Variants in ESRRG observed in about 807,000 individuals in gnomAD.
The protein encoded by ESRRG is estrogen-related receptor gamma.
ESRRG carries 13 observed loss-of-function variants against 44.0 expected under a neutral mutation model. That is an observed-to-expected ratio of 0.30 (90% CI 0.19 to 0.47). ESRRG has a LOEUF of 0.47. ESRRG is among the 20% of genes least tolerant of loss of function. ESRRG has a pLI of 1.00. For missense variants in ESRRG, 395 were observed against 580.6 expected (o/e 0.68, Z 3.29); for synonymous variants, 215 against 214.6 (o/e 1.00, Z -0.02).
At chr1:216,778,659 A>C (rs1203135433) in intron 2 of ESRRG, among the ~76,000 whole-genome samples, 3 of 151,986 alleles carry the variant, frequency 2.0e-5, no homozygotes, top group Non-Finnish European at 4.4e-5. Flanking sequence ...ATAGACACGC[A>C]GGAGGAGCCA....
At chr1:216,976,679 T>A (rs1203105439) in intron 1 of ESRRG, among the ~76,000 whole-genome samples, 1 of 152,164 alleles carries the variant, frequency 6.6e-6, no homozygotes, top group Non-Finnish European at 1.5e-5. Context: ...GCAATTTTTA[T>A]TTGTAGGAAC....
At chr1:216,846,018 C>A (rs1305335464) in intron 2 of ESRRG, among the ~76,000 whole-genome samples, 1 of 152,092 alleles carries the variant, frequency 6.6e-6, no homozygotes, top group African/African-American at 2.4e-5. Flanking sequence ...AACCACTTAA[C>A]CGTATTCATT....
chr1:216,903,322 G>A (rs546907703), intron 2 of ESRRG, among the ~76,000 whole-genome samples: 3 of 152,076 alleles, frequency 2.0e-5, no homozygotes, highest in East Asian at 3.9e-4. Flanking sequence ...TTGTAGCACC[G>A]GGCCAAGATC....
At chr1:216,523,497 T>G (rs1248241861) in intron 5 of ESRRG, among the ~76,000 whole-genome samples, 5 of 119,470 alleles carry the variant, frequency 4.2e-5, no homozygotes, top group Non-Finnish European at 3.4e-5. Flanking sequence ...ACTGTTTTTT[T>G]TTTTGTTTTT....
intron 3 of ESRRG, among the ~76,000 whole-genome samples, chr1:216,598,732 A>T (rs1329851643): frequency 1.3e-5 from 2 of 151,354 alleles, no homozygotes; most frequent in Non-Finnish European, 3.0e-5. Flanking sequence ...TTTGGCTGGA[A>T]AAAAAAAAGA....
At chr1:216,570,330 ATTTC>A (rs2060547619) in intron 3 of ESRRG, among the ~76,000 whole-genome samples, 2 of 152,202 alleles carry the variant, frequency 1.3e-5, no homozygotes. Context: ...AAGAAGTTAT[ATTTC>A]TTTATTGCTG....
chr1:216,829,144 C>T (rs1186337177), intron 2 of ESRRG, among the ~76,000 whole-genome samples: 1 of 152,158 alleles, frequency 6.6e-6, no homozygotes, highest in East Asian at 1.9e-4. Context: ...TTACAGCCAA[C>T]AGCCCCTTTG....
intron 3 of ESRRG, among the ~76,000 whole-genome samples, chr1:216,616,426 G>A (rs191653051): frequency 1.6e-3 from 237 of 152,234 alleles, no homozygotes; most frequent in African/African-American, 5.4e-3. Flanking sequence ...AAAAACAAGC[G>A]TGTCTGATTA....
At chr1:216,935,430 A>G (rs1041223764) in intron 2 of ESRRG, among the ~76,000 whole-genome samples, 6 of 152,192 alleles carry the variant, frequency 3.9e-5, no homozygotes, top group African/African-American at 1.4e-4. Flanking sequence ...GGTTTATTAT[A>G]TTTATAAGGG....
chr1:216,582,434 G>T (rs1235357451), intron 3 of ESRRG, among the ~76,000 whole-genome samples: 1 of 152,074 alleles, frequency 6.6e-6, no homozygotes, highest in South Asian at 2.1e-4. Flanking sequence ...GTTGGAAACT[G>T]CAAGTCAATT....
At chr1:217,034,353 T>A (rs1464635924) in intron 1 of ESRRG, among the ~76,000 whole-genome samples, 2 of 152,206 alleles carry the variant, frequency 1.3e-5, no homozygotes, top group African/African-American at 4.8e-5. Context: ...CTGCACTTAT[T>A]TCAAGCAAGG....
chr1:217,072,434 T>C (rs2151456338), intron 1 of ESRRG, among the ~76,000 whole-genome samples: 1 of 152,336 alleles, frequency 6.6e-6, no homozygotes, highest in South Asian at 2.1e-4. Flanking sequence ...AGTACAATAA[T>C]ATTACTGGTA....
chr1:216,826,303 C>A (rs536033343), intron 2 of ESRRG, among the ~76,000 whole-genome samples: 1 of 151,754 alleles, frequency 6.6e-6, no homozygotes, highest in Non-Finnish European at 1.5e-5. Context: ...TTATCTGAAC[C>A]GGTAAATAAA....
At chr1:216,780,019 A>G (rs1220085707) in intron 2 of ESRRG, among the ~76,000 whole-genome samples, 1 of 151,942 alleles carries the variant, frequency 6.6e-6, no homozygotes, top group Non-Finnish European at 1.5e-5. Flanking sequence ...CTTCTTCTAC[A>G]TAAACTCATT....
intron 2 of ESRRG, among the ~76,000 whole-genome samples, chr1:216,666,248 C>A (rs916337392): frequency 2.6e-5 from 4 of 152,316 alleles, no homozygotes; most frequent in Non-Finnish European, 5.9e-5. Context: ...TCTCATCATT[C>A]ATTTTTTGTT....
At chr1:216,779,856 A>G (rs1440527549) in intron 2 of ESRRG, among the ~76,000 whole-genome samples, 3 of 151,736 alleles carry the variant, frequency 2.0e-5, no homozygotes, top group East Asian at 2.0e-4. Context: ...TATCTCTCTG[A>G]CACTCAGTAC....
chr1:216,998,540 C>T (rs1355817279), intron 1 of ESRRG, among the ~76,000 whole-genome samples: 1 of 152,140 alleles, frequency 6.6e-6, no homozygotes, highest in Admixed American at 6.5e-5. Context: ...TATAAATCCA[C>T]TTATAATATT....
chr1:216,967,050 A>T (rs2070545139), intron 1 of ESRRG, among the ~76,000 whole-genome samples: 1 of 151,928 alleles, frequency 6.6e-6, no homozygotes, highest in African/African-American at 2.4e-5. Flanking sequence ...CTTGTCTTCT[A>T]CTCTTTTTAA....
At chr1:216,602,459 G>C (rs1263826632) in intron 3 of ESRRG, among the ~76,000 whole-genome samples, 1 of 152,138 alleles carries the variant, frequency 6.6e-6, no homozygotes, top group East Asian at 1.9e-4. Flanking sequence ...ACTGAGATAA[G>C]AAAATCAGAA....
Sources: gnomAD v4.1 joint callset for allele counts (sites outside exome capture counted in the v4.1 genomes callset) on GRCh38, gnomAD v4.1.1 for gene constraint, MANE v1.5 for transcripts, NCBI Gene and HGNC (gene_info 2026-07-23, HGNC 2026-07-21) for gene names.